The following INPP4B variants were observed in gnomAD, a reference collection of about 807,000 sequenced individuals.
The protein encoded by INPP4B is inositol polyphosphate-4-phosphatase type II B.
INPP4B carries 55 observed loss-of-function variants against 122.5 expected under a neutral mutation model. The observed-to-expected ratio is 0.45, with a 90% CI of 0.36 to 0.56. The LOEUF (loss-of-function observed/expected upper bound fraction) is 0.56. INPP4B is among the 20% of genes least tolerant of loss of function. The probability of loss-of-function intolerance (pLI) is 0.00; values close to 1 mark genes in which losing one functional copy is unlikely to be tolerated. For missense variants in INPP4B, 1,000 were observed against 1,097.7 expected (o/e 0.91, Z 1.26); for synonymous variants, 403 against 388.7 (o/e 1.04, Z -0.43).
At chr4:142,655,546 A>AT (rs1160659388) in intron 2 of INPP4B, among the ~76,000 whole-genome samples, 1 of 152,184 alleles carries the variant, frequency 6.6e-6, no homozygotes, top group Non-Finnish European at 1.5e-5. Flanking sequence ...AATGAATTAT[A>AT]TTTTTTTAAA....
At chr4:142,090,187 C>T (rs189857799) in intron 23 of INPP4B, among the ~76,000 whole-genome samples, 102 of 152,280 alleles carry the variant, frequency 6.7e-4, no homozygotes, top group Non-Finnish European at 1.2e-3. Context: ...ATCCTTTCCC[C>T]ATTCCCACCT....
chr4:142,316,890 G>C (rs1316358273), intron 7 of INPP4B, among the ~76,000 whole-genome samples: 1 of 152,166 alleles, frequency 6.6e-6, no homozygotes, highest in Non-Finnish European at 1.5e-5. Flanking sequence ...ACACAAGCTA[G>C]GTAGCAAGCA....
At chr4:142,098,651 C>T (rs932025840) in intron 23 of INPP4B, among the ~76,000 whole-genome samples, 19 of 151,896 alleles carry the variant, frequency 1.3e-4, no homozygotes, top group African/African-American at 1.9e-4. Flanking sequence ...GTGAAAGAGG[C>T]GACTCAAGGG....
intron 6 of INPP4B, 33 bp downstream of exon 6, chr4:142,405,173 G>GA (rs1803013197): frequency 1.6e-6 from 2 of 1,252,708 alleles, no homozygotes; most frequent in Admixed American, 1.7e-5. Flanking sequence ...GAGAGAGAGA[G>GA]AGAGAGATTA....
At chr4:142,139,007 T>C (rs949416413) in intron 18 of INPP4B, among the ~76,000 whole-genome samples, 1 of 152,194 alleles carries the variant, frequency 6.6e-6, no homozygotes, top group Non-Finnish European at 1.5e-5. Context: ...CCCAAATGTT[T>C]ACTTCCTTTC....
intron 2 of INPP4B, among the ~76,000 whole-genome samples, chr4:142,679,647 T>G (rs966443706): frequency 1.3e-5 from 2 of 151,750 alleles, no homozygotes; most frequent in Admixed American, 1.3e-4. Context: ...AGGCAGTCTG[T>G]TCTGTGACAC....
intron 23 of INPP4B, among the ~76,000 whole-genome samples, chr4:142,087,328 C>T (rs978633939): frequency 6.6e-6 from 1 of 152,176 alleles, no homozygotes; most frequent in Admixed American, 6.5e-5. Flanking sequence ...GGAAATGACA[C>T]TGGTTGCTCA....
At chr4:142,235,555 G>A (rs1856347418) in intron 12 of INPP4B, among the ~76,000 whole-genome samples, 1 of 152,048 alleles carries the variant, frequency 6.6e-6, no homozygotes, top group Non-Finnish European at 1.5e-5. Context: ...CCGAGTAGCT[G>A]GGACTACAGT....
chr4:142,251,288 G>C (rs571331754), intron 11 of INPP4B, among the ~76,000 whole-genome samples: 165 of 152,158 alleles, frequency 1.1e-3, no homozygotes, highest in Non-Finnish European at 1.8e-3. Flanking sequence ...GATGATTTTG[G>C]TGATAACCTG....
At chr4:142,729,490 T>C (rs1409790616) in intron 1 of INPP4B, among the ~76,000 whole-genome samples, 1 of 143,534 alleles carries the variant, frequency 7.0e-6, no homozygotes, top group Non-Finnish European at 1.5e-5. Context: ...CCTTGGATCC[T>C]GATGCCTCTG....
intron 1 of INPP4B, among the ~76,000 whole-genome samples, chr4:142,814,325 A>C (rs1779866936): frequency 6.6e-6 from 1 of 152,200 alleles, no homozygotes; most frequent in Non-Finnish European, 1.5e-5. Flanking sequence ...CCAACATCCC[A>C]GAAGTTAAAG....
chr4:142,364,655 G>A (rs1476988401), intron 7 of INPP4B, among the ~76,000 whole-genome samples: 1 of 152,050 alleles, frequency 6.6e-6, no homozygotes, highest in Non-Finnish European at 1.5e-5. Context: ...GAAGAAAGAT[G>A]GATGGATCCC....
chr4:142,133,584 T>C (rs1802416262), intron 18 of INPP4B, among the ~76,000 whole-genome samples: 1 of 152,190 alleles, frequency 6.6e-6, no homozygotes, highest in Non-Finnish European at 1.5e-5. Context: ...TTCAAAACTC[T>C]CTAATTGCTC....
intron 1 of INPP4B, among the ~76,000 whole-genome samples, chr4:142,811,443 G>A (rs1332851508): frequency 6.6e-6 from 1 of 152,158 alleles, no homozygotes; most frequent in African/African-American, 2.4e-5. Context: ...GCATGAACAT[G>A]CTTATTAGGG....
chr4:142,673,045 T>C lies in INPP4B; in HGVS notation c.-191+52794A>G, dbSNP rs534983015. Among the ~76,000 whole-genome samples, 5 of 152,286 alleles carry C rather than the reference T, an allele frequency of 3.3e-5. No individual in the cohort carries two copies. The South Asian group carries it at 1.0e-3, about 32-fold the overall frequency. On this transcript the variant is annotated intron_variant, in intron 2 of 25. Transcript: ENST00000262992. ...TGCCAACATCACATGGCCATCCTAC[T>C]TCTGTGAGCCTATTTCTGAAGTTAC...
At chr4:142,394,625 C>T (rs974096215) in intron 7 of INPP4B, among the ~76,000 whole-genome samples, 16 of 151,856 alleles carry the variant, frequency 1.1e-4, no homozygotes, top group South Asian at 8.3e-4. Flanking sequence ...TTTCTTTTGA[C>T]GAATGTTTAT....
At chr4:142,392,054 G>C (rs1029149274) in intron 7 of INPP4B, among the ~76,000 whole-genome samples, 10 of 152,118 alleles carry the variant, frequency 6.6e-5, no homozygotes, top group Admixed American at 6.5e-4. Context: ...AGAACCCAAA[G>C]ACCAAATCTT....
intron 21 of INPP4B, among the ~76,000 whole-genome samples, chr4:142,114,267 T>G (rs10032149): frequency 0.13 from 20,130 of 152,036 alleles, 1,503 homozygotes; most frequent in East Asian, 0.24. Flanking sequence ...ATGCTGCTAT[T>G]AACATGCAGG....
chr4:142,762,116 C>T (rs1771430607), intron 1 of INPP4B, among the ~76,000 whole-genome samples: 1 of 152,112 alleles, frequency 6.6e-6, no homozygotes, highest in African/African-American at 2.4e-5. Flanking sequence ...ACACACCAGG[C>T]TTTTTCTCGT....
Sources: gnomAD v4.1 joint callset for allele counts (sites outside exome capture counted in the v4.1 genomes callset) on GRCh38, gnomAD v4.1.1 for gene constraint, MANE v1.5 for transcripts, NCBI Gene and HGNC (gene_info 2026-07-23, HGNC 2026-07-21) for gene names.